DTNA: variants seen among roughly 807,000 people sequenced by gnomAD.
DTNA encodes the protein dystrophin-related protein 3.
In DTNA, 43 loss-of-function variants were observed where a neutral mutation model predicts 100.7. The observed-to-expected ratio is 0.43, with a 90% CI of 0.33 to 0.55. DTNA has a LOEUF of 0.55. DTNA is among the 20% of genes least tolerant of loss of function. DTNA has a pLI of 0.04. For synonymous variants in DTNA, 349 were observed against 347.9 expected, an observed-to-expected ratio of 1.00 and a Z score of -0.04; for missense variants, 798 against 953.9, an observed-to-expected ratio of 0.84 and a Z score of 2.15.
At chr18:34,597,634 A>G (rs1476868773) in intron 1 of DTNA, among the ~76,000 whole-genome samples, 1 of 152,106 alleles carries the variant, frequency 6.6e-6, no homozygotes, top group Non-Finnish European at 1.5e-5. Flanking sequence ...GTCCATCACA[A>G]AGCCTCGATC....
intron 3 of DTNA, among the ~76,000 whole-genome samples, chr18:34,769,724 G>GATTTTTTTTTTTTTTTTTTTTTTTTTT (rs1264439291): frequency 2.4e-5 from 1 of 41,434 alleles, no homozygotes; most frequent in Admixed American, 3.8e-4. Flanking sequence ...GCCCTCTGGG[G>GATTTTTTTTTTTTTTTTTTTTTTTTTT]CTTTTTTTTT....
At chr18:34,532,471 C>G (rs2043236365) in intron 1 of DTNA, among the ~76,000 whole-genome samples, 1 of 151,948 alleles carries the variant, frequency 6.6e-6, no homozygotes, top group Non-Finnish European at 1.5e-5. Flanking sequence ...GGTTGGAATG[C>G]CAGATTGCAA....
chr18:34,722,585 G>T (rs370479930), intron 1 of DTNA, among the ~76,000 whole-genome samples: 2 of 143,038 alleles, frequency 1.4e-5, no homozygotes, highest in East Asian at 3.9e-4. Context: ...AAATTAATAG[G>T]TTTTGACATA....
At chr18:34,806,081 C>A in intron 4 of DTNA, 138 bp from the exon 5 acceptor site, 1 of 708,810 alleles carries the variant, frequency 1.4e-6, no homozygotes, top group Non-Finnish European at 2.5e-6. Context: ...TGGATGTGCC[C>A]ACATAAGGCA....
At chr18:34,641,621 A>G (rs2059289690) in intron 1 of DTNA, among the ~76,000 whole-genome samples, 1 of 152,186 alleles carries the variant, frequency 6.6e-6, no homozygotes, top group Admixed American at 6.5e-5. Context: ...TTTCTGGAGG[A>G]GTTCCTCCAA....
At position 34,879,680 on chromosome 18, in the gene DTNA, T is replaced by G; in HGVS notation, c.2123T>G (p.Ile708Ser). The G allele has an allele frequency of 1.9e-6, 3 of 1,614,078 alleles. No individual in the cohort carries two copies. The highest frequency in any genetic ancestry group is 2.5e-6 in the Non-Finnish European group (3 of 1,179,984). Residue 708 changes from isoleucine to serine, a missense_variant, in exon 20 of 23, where the codon ATT becomes AGT. Coordinates refer to ENST00000444659, the MANE Select transcript of DTNA (RefSeq NM_001386795.1). Reference protein sequence around the residue: ...AQIHARKPGYIHSGATTSTMR... With the variant: ...AQIHARKPGYSHSGATTSTMR... ...ATCCATGCCCGAAAACCTGGGTACA[T>G]TCACAGTGGAGCTACCACAAGTACC...
At chr18:34,707,288 A>T (rs1321960414), upstream of DTNA, among the ~76,000 whole-genome samples, 1 of 152,144 alleles carries the variant, frequency 6.6e-6, no homozygotes, top group Non-Finnish European at 1.5e-5. Flanking sequence ...CTGAAGCATC[A>T]TTACCTATGT....
At chr18:34,507,229 A>G (rs1339043992) in intron 1 of DTNA, among the ~76,000 whole-genome samples, 1 of 152,092 alleles carries the variant, frequency 6.6e-6, no homozygotes, top group Non-Finnish European at 1.5e-5. Flanking sequence ...TTCTGGTGGG[A>G]TGCTGGAACC....
chr18:34,756,528 A>G (rs933560937), intron 2 of DTNA, among the ~76,000 whole-genome samples: 3 of 152,236 alleles, frequency 2.0e-5, no homozygotes, highest in South Asian at 2.1e-4. Context: ...GGACCAAACT[A>G]TAAACTTGTC....
chr18:34,668,452 T>C (rs578077589), intron 1 of DTNA, among the ~76,000 whole-genome samples: 28 of 152,150 alleles, frequency 1.8e-4, no homozygotes, highest in South Asian at 4.1e-4. Flanking sequence ...CTTAGTTATT[T>C]CTTGCCTTCT....
intron 1 of DTNA, among the ~76,000 whole-genome samples, chr18:34,652,927 A>G (rs980349115): frequency 6.6e-6 from 1 of 152,180 alleles, no homozygotes; most frequent in Non-Finnish European, 1.5e-5. Context: ...GGGTGGATAC[A>G]TATTCTGAAC....
chr18:34,788,393 T>G (rs566611502), intron 3 of DTNA, among the ~76,000 whole-genome samples: 1 of 152,154 alleles, frequency 6.6e-6, no homozygotes, highest in Non-Finnish European at 1.5e-5. Flanking sequence ...CTATGTGGAG[T>G]GCTTTATGTG....
chr18:34,590,190 T>C (rs1216413744), intron 1 of DTNA, among the ~76,000 whole-genome samples: 6 of 152,232 alleles, frequency 3.9e-5, no homozygotes. Flanking sequence ...GCTGCTGCTT[T>C]GAATCTTCCA....
Position 34,612,128 on chromosome 18 carries a change from T to G in DTNA, c.-2+118614T>G, listed in dbSNP as rs1321655820. On this transcript the variant is annotated intron_variant, in intron 1 of 19. Coordinates refer to the DTNA transcript ENST00000283365. Reference sequence around the variant, plus strand: ...GGCAAGGACATCACAACATTCCCTGTGCTGGCCTGGGAGGACCTGGGCAAC... The same window carrying G: ...GGCAAGGACATCACAACATTCCCTGGGCTGGCCTGGGAGGACCTGGGCAAC... Among the ~76,000 whole-genome samples, 4 of 152,180 alleles carry G rather than the reference T, an allele frequency of 2.6e-5. No individual in the cohort carries two copies. In the East Asian group the frequency reaches 7.7e-4, roughly 29 times the overall value.
intron 1 of DTNA, among the ~76,000 whole-genome samples, chr18:34,535,762 T>C (rs1443267300): frequency 6.6e-6 from 1 of 152,146 alleles, no homozygotes; most frequent in Non-Finnish European, 1.5e-5. Context: ...CCTTTCCCCA[T>C]TGCTTGTTTT....
rs186675909 is a variant in DTNA, at chr18:34,795,071, G to A, written c.362+821G>A. ...CTTTTTGCCAATAGCCTCCAACCTG[G>A]ACGTAGTACCACCCCCTCCACTTCC... is the stretch of plus-strand genomic sequence containing the variant. On this transcript the variant is annotated intron_variant, in intron 4 of 22. Coordinates refer to ENST00000444659, the MANE Select transcript of DTNA (RefSeq NM_001386795.1). Among the ~76,000 whole-genome samples, 28 of 152,240 alleles carry A rather than the reference G, an allele frequency of 1.8e-4. 1 individual carries two copies. In the East Asian group the frequency reaches 5.0e-3, roughly 27 times the overall value.
At chr18:34,829,699 A>G (rs1052548564) in intron 11 of DTNA, among the ~76,000 whole-genome samples, 36 of 152,332 alleles carry the variant, frequency 2.4e-4, no homozygotes, top group Non-Finnish European at 4.6e-4. Flanking sequence ...TATGGATTTC[A>G]TAGCCTCATA....
In DTNA at chr18:34,687,840, A is replaced by G. The variant is rs532638161; in HGVS notation, c.-1-68136A>G. On this transcript the variant is annotated intron_variant, in intron 1 of 19. Coordinates refer to the DTNA transcript ENST00000283365. The stretch of plus-strand genomic sequence containing the variant: ...ATGCTCCTGTATTGGGTGCATATAT[A>G]TTTAGGATACTTAGCTCTTCTTGTT... Among the ~76,000 whole-genome samples, 6 of 152,304 alleles carry G rather than the reference A, an allele frequency of 3.9e-5. No homozygotes were observed. In the East Asian group the frequency reaches 1.2e-3, roughly 29 times the overall value.
chr18:34,858,967 C>A (rs568148704), intron 16 of DTNA, among the ~76,000 whole-genome samples: 177 of 152,310 alleles, frequency 1.2e-3, no homozygotes, highest in African/African-American at 4.0e-3. Context: ...TTAAACATAG[C>A]TCTTTTTAGA....
Sources: allele counts gnomAD v4.1 joint callset (sites outside exome capture counted in the v4.1 genomes callset), GRCh38; gene constraint gnomAD v4.1.1; transcripts MANE v1.5; gene names NCBI Gene and HGNC (gene_info 2026-07-23, HGNC 2026-07-21).